The following HFM1 variants were observed in gnomAD, a reference collection of about 807,000 sequenced individuals.
HFM1 encodes the protein probable ATP-dependent DNA helicase HFM1.
In HFM1, 169 loss-of-function variants were observed where a neutral mutation model predicts 192.1. The observed-to-expected ratio is 0.88, with a 90% CI of 0.78 to 1.00. HFM1 has a LOEUF of 1.00. Among genes scored for constraint, HFM1 ranks in the 50% least tolerant of loss-of-function variants. The pLI, the probability that HFM1 is intolerant of heterozygous loss-of-function variation, is 0.00. For synonymous variants in HFM1, 525 were observed against 537.8 expected, an observed-to-expected ratio of 0.98 and a Z score of 0.33; for missense variants, 1,661 against 1,668.0, an observed-to-expected ratio of 1.00 and a Z score of 0.07.
chr1:91,301,191 A>G (rs1023898665), intron 30 of HFM1, among the ~76,000 whole-genome samples: 10 of 151,848 alleles, frequency 6.6e-5, no homozygotes, highest in African/African-American at 2.2e-4. Context: ...CAATTGCTTC[A>G]AAGAGAATAA....
chr1:91,405,286 A>G (rs917438033), upstream of HFM1, among the ~76,000 whole-genome samples: 1 of 152,220 alleles, frequency 6.6e-6, no homozygotes, highest in Admixed American at 6.5e-5. Context: ...AAACACAATG[A>G]TATTTAAATG....
chr1:91,389,506 T>C (rs538483015), intron 4 of HFM1, among the ~76,000 whole-genome samples: 81 of 152,236 alleles, frequency 5.3e-4, no homozygotes, highest in African/African-American at 1.9e-3. Context: ...ATGGAATTAA[T>C]GCCCTTATAA....
chr1:91,310,912 T>A (rs747561826), intron 30 of HFM1, among the ~76,000 whole-genome samples: 2 of 152,116 alleles, frequency 1.3e-5, no homozygotes, highest in Non-Finnish European at 2.9e-5. Context: ...ATATAGTAAA[T>A]TGGTACCAGT....
intron 30 of HFM1, among the ~76,000 whole-genome samples, chr1:91,286,847 G>A (rs1217567557): frequency 1.3e-5 from 2 of 152,206 alleles, no homozygotes; most frequent in African/African-American, 2.4e-5. Context: ...GCCTCACTCG[G>A]GAAGCGCAAG....
intron 23 of HFM1, among the ~76,000 whole-genome samples, chr1:91,322,039 G>T (rs1652195518): frequency 6.6e-6 from 1 of 152,148 alleles, no homozygotes; most frequent in Admixed American, 6.5e-5. Context: ...TAAAATGAGA[G>T]GATTGGGCTA....
intron 30 of HFM1, among the ~76,000 whole-genome samples, chr1:91,288,369 T>C (rs76063452): frequency 4.6e-4 from 15 of 32,426 alleles, no homozygotes; most frequent in African/African-American, 9.8e-4. Context: ...CAACATTCTT[T>C]TTTTTTTTTT....
At chr1:91,341,367 AG>A (rs1164640601) in intron 20 of HFM1, among the ~76,000 whole-genome samples, 6 of 152,232 alleles carry the variant, frequency 3.9e-5, no homozygotes, top group Non-Finnish European at 8.8e-5. Context: ...GCAGAAATCA[AG>A]ATACTCTTTG....
chr1:91,347,470 G>A lies in HFM1; in HGVS notation c.2213C>T (p.Ala738Val), dbSNP rs1174074758. The change falls in exon 19 of 39, where the codon GCA becomes GTA. Residue 738 changes from alanine to valine, a missense_variant. Ala to Val is a moderately conservative substitution (Grantham distance 64). Transcript: ENST00000370425. ...ALKNPSHYGF[A>V]SGLNKDGIEA... ...AATTCCATCTTTGTTCAATCCAGATGCAAAACCTGCATGTCATGAAAAAGT... is the reference window on the plus strand; with the variant it reads ...AATTCCATCTTTGTTCAATCCAGATACAAAACCTGCATGTCATGAAAAAGT... 1.3e-6 allele frequency: 2 copies of A among 1,584,406 alleles called. No individual in the cohort carries two copies. The highest frequency in any genetic ancestry group is 1.7e-6 in the Non-Finnish European group (2 of 1,163,358).
intron 13 of HFM1, among the ~76,000 whole-genome samples, chr1:91,360,858 G>A (rs1436410838): frequency 1.3e-5 from 2 of 152,130 alleles, no homozygotes; most frequent in Non-Finnish European, 2.9e-5. Context: ...TCAGACCAGA[G>A]CACAATCAAA....
At chr1:91,372,457 A>G (rs187391078) in intron 13 of HFM1, among the ~76,000 whole-genome samples, 6 of 152,242 alleles carry the variant, frequency 3.9e-5, no homozygotes, top group Admixed American at 3.9e-4. Context: ...TGAACCTGGA[A>G]ACTATCATTC....
intron 13 of HFM1, among the ~76,000 whole-genome samples, chr1:91,370,952 C>T (rs1660101602): frequency 6.6e-6 from 1 of 151,886 alleles, no homozygotes; most frequent in Non-Finnish European, 1.5e-5. Flanking sequence ...CAATAACAGA[C>T]AAACAGAGAG....
At position 91,355,428 on chromosome 1, in the gene HFM1, A is replaced by G. The variant is rs528429587; in HGVS notation, c.1686-2129T>C. Among the ~76,000 whole-genome samples, 7 of 143,874 alleles carry G rather than the reference A, an allele frequency of 4.9e-5. No homozygotes were observed. In the East Asian group the frequency reaches 8.5e-4, roughly 17 times the overall value. The allele number at this position is 143,874 out of a possible 152,430, so 94.4% of individuals were successfully genotyped here. Reference sequence around the variant, plus strand: ...CAAGACATATAGTGTCTAAATTGATAGAAGAAAAAAAAAAAACCAAGATCC... The same window carrying G: ...CAAGACATATAGTGTCTAAATTGATGGAAGAAAAAAAAAAAACCAAGATCC... On this transcript the variant is annotated intron_variant, in intron 13 of 38. Transcript: ENST00000370425.
At chr1:91,274,943 CT>C in intron 32 of HFM1, 134 bp from the exon 33 acceptor site, 1 of 442,650 alleles carries the variant, frequency 2.3e-6, no homozygotes, top group Non-Finnish European at 4.2e-6. Flanking sequence ...CAGGTTAGTT[CT>C]TGACTCGAAT....
At chr1:91,326,248 A>G (rs1225178760) in intron 20 of HFM1, among the ~76,000 whole-genome samples, 1 of 152,290 alleles carries the variant, frequency 6.6e-6, no homozygotes, top group African/African-American at 2.4e-5. Flanking sequence ...AGATATCAAC[A>G]TTCAAGTAAA....
intron 30 of HFM1, among the ~76,000 whole-genome samples, chr1:91,303,494 T>C (rs1649149119): frequency 1.3e-5 from 2 of 152,244 alleles, no homozygotes; most frequent in South Asian, 2.1e-4. Flanking sequence ...AGTTTTTGTA[T>C]GAATATGTTT....
In HFM1 at chr1:91,276,997, A is replaced by C; in HGVS notation, c.3457T>G (p.Cys1153Gly). ...CNHLCKSKHT[C>G]GHDCCKIGVA... ...AGGAACTCACAGCAGTCATGTCCAC[A>C]TGTATGTTTACTTTTACAAAGATGA... Residue 1153 changes from cysteine to glycine, a missense_variant, in exon 31 of 39, where the codon TGT becomes GGT. Physicochemically the swap from Cys to Gly is radical, Grantham distance 159 (BLOSUM62 -3). Transcript: ENST00000370425. The C allele has an allele frequency of 6.3e-7, 1 of 1,593,154 alleles. No homozygotes were observed. Among genetic ancestry groups the C allele is most frequent in the Middle Eastern group, 1.7e-4 (1 of 5,984 alleles).
intron 32 of HFM1, among the ~76,000 whole-genome samples, chr1:91,275,130 C>T (rs1666690420): frequency 6.6e-6 from 1 of 151,914 alleles, no homozygotes; most frequent in Non-Finnish European, 1.5e-5. Context: ...ATTACAGGTG[C>T]CCACCACCAT....
chr1:91,307,825 T>C (rs906605803), intron 30 of HFM1, among the ~76,000 whole-genome samples: 1 of 152,138 alleles, frequency 6.6e-6, no homozygotes, highest in African/African-American at 2.4e-5. Context: ...TTTCTTTCTC[T>C]TTCTTCCTCT....
intron 13 of HFM1, among the ~76,000 whole-genome samples, chr1:91,374,832 C>T (rs282038): frequency 1 from 152,156 of 152,270 alleles, 76,021 homozygotes; most frequent in Non-Finnish European, 1. Flanking sequence ...TAAATATTAT[C>T]TGAACTTCAT....
Sources: allele counts gnomAD v4.1 joint callset (sites outside exome capture counted in the v4.1 genomes callset), GRCh38; gene constraint gnomAD v4.1.1; transcripts MANE v1.5; gene names NCBI Gene and HGNC (gene_info 2026-07-23, HGNC 2026-07-21).